Variants in PPP1CB observed in about 807,000 individuals in gnomAD.
PPP1CB encodes the protein serine/threonine-protein phosphatase PP1-beta catalytic subunit.
In PPP1CB, 2 loss-of-function variants were observed where a neutral mutation model predicts 43.7. That is an observed-to-expected ratio of 0.05 (90% CI 0.02 to 0.14). The LOEUF (loss-of-function observed/expected upper bound fraction) is 0.14, where lower values mean the gene tolerates loss of function less well. Ranked by LOEUF, PPP1CB falls within the 10% of genes least tolerant of loss-of-function variation. The pLI, the probability that PPP1CB is intolerant of heterozygous loss-of-function variation, is 1.00. For synonymous variants in PPP1CB, 136 were observed against 135.6 expected, an observed-to-expected ratio of 1.00 and a Z score of -0.02; for missense variants, 84 against 398.0, an observed-to-expected ratio of 0.21 and a Z score of 6.71.
chr2:28,787,903 T>G (rs1036336811), intron 5 of PPP1CB, among the ~76,000 whole-genome samples: 1 of 152,156 alleles, frequency 6.6e-6, no homozygotes, highest in Admixed American at 6.5e-5. Context: ...AATACTCAAG[T>G]AAATATTTTT....
intron 1 of PPP1CB, among the ~76,000 whole-genome samples, chr2:28,776,365 G>T (rs1049192827): frequency 3.3e-5 from 5 of 151,956 alleles, no homozygotes; most frequent in African/African-American, 9.7e-5. Context: ...GGGTTCAAGC[G>T]ATTCTCCTAA....
chr2:28,757,020 C>G (rs541904947), intron 1 of PPP1CB, among the ~76,000 whole-genome samples: 19 of 152,206 alleles, frequency 1.2e-4, no homozygotes, highest in African/African-American at 4.6e-4. Flanking sequence ...CCCAAAAAAC[C>G]CTGTTCCCGG....
chr2:28,773,721 G>C (rs1305665320), intron 1 of PPP1CB, among the ~76,000 whole-genome samples: 2 of 152,164 alleles, frequency 1.3e-5, no homozygotes, highest in African/African-American at 4.8e-5. Context: ...TTTTGAATTG[G>C]AAGACAGCTG....
chr2:28,785,200 G>A lies in PPP1CB; in HGVS notation c.592+1222G>A, dbSNP rs1052031349. ...AGTGATTCTTCTGCCTCAGCCTCCCGAGTAGCTGGGACTACAGGCGCCCGC... is the reference window on the plus strand; with the variant it reads ...AGTGATTCTTCTGCCTCAGCCTCCCAAGTAGCTGGGACTACAGGCGCCCGC... On this transcript the variant is annotated intron_variant, in intron 5 of 7. Coordinates refer to ENST00000395366, the MANE Select transcript of PPP1CB (RefSeq NM_002709.3). Among the ~76,000 whole-genome samples the A allele has an allele frequency of 5.7e-4, 82 of 145,058 alleles. 1 individual carries two copies. Among genetic ancestry groups the A allele is most frequent in the African/African-American group, 2.0e-3 (79 of 39,360 alleles).
intron 1 of PPP1CB, among the ~76,000 whole-genome samples, chr2:28,763,950 C>G (rs1034839934): frequency 2.0e-5 from 3 of 151,944 alleles, no homozygotes; most frequent in South Asian, 4.2e-4. Flanking sequence ...ATCCGCCCAC[C>G]TTAGCCTCCC....
intron 1 of PPP1CB, among the ~76,000 whole-genome samples, chr2:28,757,367 A>G (rs190427739): frequency 4.9e-4 from 74 of 152,208 alleles, no homozygotes; most frequent in African/African-American, 1.7e-3. Context: ...TTGTGGGCAT[A>G]TACTTTCAAT....
intron 1 of PPP1CB, among the ~76,000 whole-genome samples, chr2:28,770,210 C>G (rs1226132099): frequency 2.6e-5 from 4 of 152,098 alleles, no homozygotes; most frequent in Admixed American, 2.6e-4. Flanking sequence ...TTTCAGTGAG[C>G]TGAGATCATG....
chr2:28,795,470 C>T (rs1667480808), intron 7 of PPP1CB, among the ~76,000 whole-genome samples: 1 of 152,204 alleles, frequency 6.6e-6, no homozygotes, highest in Non-Finnish European at 1.5e-5. Flanking sequence ...TCTCCACAAC[C>T]TTGCTGACAT....
chr2:28,785,199 C>G (rs775681650), intron 5 of PPP1CB, among the ~76,000 whole-genome samples: 1 of 150,044 alleles, frequency 6.7e-6, no homozygotes, highest in Admixed American at 6.7e-5. Context: ...CTCAGCCTCC[C>G]GAGTAGCTGG....
At chr2:28,789,593 ATTTTTTT>A (rs70956041) in intron 6 of PPP1CB, among the ~76,000 whole-genome samples, 4 of 96,540 alleles carry the variant, frequency 4.1e-5, no homozygotes, top group Admixed American at 1.2e-4. Flanking sequence ...TATGATTTAG[ATTTTTTT>A]TTTTTTTTTT....
intron 1 of PPP1CB, among the ~76,000 whole-genome samples, chr2:28,762,024 G>T: frequency 6.6e-6 from 1 of 152,134 alleles, no homozygotes; most frequent in Non-Finnish European, 1.5e-5. Context: ...TAGCTCACAC[G>T]TGTAATCTCA....
At chr2:28,781,179 TC>T (rs1667152119) in intron 3 of PPP1CB, among the ~76,000 whole-genome samples, 1 of 152,134 alleles carries the variant, frequency 6.6e-6, no homozygotes, top group South Asian at 2.1e-4. Flanking sequence ...CCTAGCACAA[TC>T]TTTGGGATTT....
At chr2:28,757,525 G>A (rs115618469) in intron 1 of PPP1CB, among the ~76,000 whole-genome samples, 1 of 152,180 alleles carries the variant, frequency 6.6e-6, no homozygotes, top group African/African-American at 2.4e-5. Flanking sequence ...TAGGTGGTTG[G>A]AAAGAAGTGT....
At chr2:28,796,580 G>GT (rs1667501934) in intron 7 of PPP1CB, among the ~76,000 whole-genome samples, 1 of 152,068 alleles carries the variant, frequency 6.6e-6, no homozygotes, top group African/African-American at 2.4e-5. Context: ...CAGCTTGGAT[G>GT]TTTTTGATGT....
chr2:28,779,498 TAA>T (rs1246359942), intron 3 of PPP1CB, among the ~76,000 whole-genome samples: 1 of 152,212 alleles, frequency 6.6e-6, no homozygotes, highest in East Asian at 1.9e-4. Context: ...CCTTGAAAGA[TAA>T]AGATACTGAA....
chr2:28,794,080 C>T (rs1315104796), intron 7 of PPP1CB, 83 bp downstream of exon 7: 3 of 1,172,192 alleles, frequency 2.6e-6, no homozygotes, highest in Admixed American at 2.3e-5. Context: ...GTGAAGTTTC[C>T]TTGAGCAAGT....
rs1376992598 is a variant in PPP1CB, at chr2:28,801,932, G to A, written c.*2629G>A. 1 of 152,134 alleles carries A rather than the reference G, an allele frequency of 6.6e-6. No individual in the cohort carries two copies. The highest frequency in any genetic ancestry group is 1.5e-5 in the Non-Finnish European group (1 of 68,012). 9.4% of individuals were successfully genotyped at this position (152,134 alleles called of 1,614,324 possible). ...GCCCAGGGACAAATTTTAATAATCAGCAAGACTGGTTTGTGCAAAGCGTTG... is the reference window on the plus strand; with the variant it reads ...GCCCAGGGACAAATTTTAATAATCAACAAGACTGGTTTGTGCAAAGCGTTG... On this transcript the variant is annotated 3_prime_UTR_variant, in exon 8 of 8. Transcript: ENST00000395366.
intron 3 of PPP1CB, 70 bp from the exon 4 acceptor site, chr2:28,781,668 C>T: frequency 9.6e-7 from 1 of 1,040,766 alleles, no homozygotes; most frequent in Non-Finnish European, 1.4e-6. Context: ...ATTCATAATC[C>T]TGCGGCTTTG....
chr2:28,764,902 CAGAG>C (rs745854485), intron 1 of PPP1CB, among the ~76,000 whole-genome samples: 2 of 142,644 alleles, frequency 1.4e-5, no homozygotes, highest in South Asian at 2.3e-4. Flanking sequence ...GCCTGGGTGA[CAGAG>C]AGACCCTGTC....
Sources: allele counts gnomAD v4.1 joint callset (sites outside exome capture counted in the v4.1 genomes callset), GRCh38; gene constraint gnomAD v4.1.1; transcripts MANE v1.5; gene names NCBI Gene and HGNC (gene_info 2026-07-23, HGNC 2026-07-21).